Variants in SETD2 observed in about 807,000 individuals in gnomAD.
The protein encoded by SETD2 is SET domain containing 2, histone lysine methyltransferase, also known as histone-lysine N-methyltransferase SETD2.
A neutral mutation model predicts 242.1 loss-of-function variants in SETD2; 31 were observed. The observed-to-expected ratio is 0.13, with a 90% confidence interval of 0.10 to 0.17. The LOEUF is 0.17. SETD2 is among the 10% of genes least tolerant of loss of function. The pLI is 1.00. For synonymous variants in SETD2, 1,006 were observed against 1,066.5 expected (o/e 0.94, Z 1.11); for missense variants, 2,481 against 3,046.3 (o/e 0.81, Z 4.37).
intron 15 of SETD2, among the ~76,000 whole-genome samples, chr3:47,049,925 A>ATAT (rs1559664964): frequency 3.4e-5 from 5 of 146,466 alleles, no homozygotes; most frequent in African/African-American, 4.9e-5. Flanking sequence ...TATATATTAT[A>ATAT]TATAAACTTA....
At chr3:47,068,458 G>C (rs1321377140) in intron 12 of SETD2, among the ~76,000 whole-genome samples, 3 of 151,204 alleles carry the variant, frequency 2.0e-5, no homozygotes, top group Non-Finnish European at 4.4e-5. Context: ...TATACTGTGT[G>C]CCAGATATCA....
rs545248650 is a variant in SETD2, at chr3:47,043,119, G to A, written c.7099-419C>T. Among the ~76,000 whole-genome samples the A allele has an allele frequency of 3.7e-4, 56 of 150,710 alleles. 2 individuals carry two copies. The South Asian group carries it at 5.5e-3, about 15-fold the overall frequency. ...TAACATTATCCATTATATTTTTTCC[G>A]TACTTGAAACCTCAAAACTATAAAA... On this transcript the variant is annotated intron_variant, in intron 16 of 20. Transcript: ENST00000409792.
Position 47,123,618 on chromosome 3 carries a change from T to G in SETD2, c.1018A>C (p.Lys340Gln). The G allele has an allele frequency of 5.8e-6, 9 of 1,550,220 alleles. No homozygotes were observed. The highest frequency in any genetic ancestry group is 6.1e-6 in the Non-Finnish European group (7 of 1,146,742). The change falls in exon 3 of 21, where the codon AAA becomes CAA. Residue 340 changes from lysine (K) to glutamine (Q), a missense_variant. Coordinates refer to ENST00000409792, the MANE Select transcript of SETD2 (RefSeq NM_014159.7). Reference sequence around the variant, plus strand: ...TCCTTTTCAATGCTTGCTGAAAATTTTAAATCATGTGATCTTTGACTTGAA... The same window carrying G: ...TCCTTTTCAATGCTTGCTGAAAATTGTAAATCATGTGATCTTTGACTTGAA... The part of the protein sequence containing the change: ...TSSSQRSHDL[K>Q]FSASIEKERD...
intron 1 of SETD2, among the ~76,000 whole-genome samples, chr3:47,158,384 C>T (rs936142031): frequency 6.6e-6 from 1 of 152,088 alleles, no homozygotes; most frequent in African/African-American, 2.4e-5. Context: ...AAGTTACACA[C>T]CTTGTGCCTG....
At chr3:47,095,356 G>C (rs1010883201) in intron 9 of SETD2, among the ~76,000 whole-genome samples, 1 of 152,080 alleles carries the variant, frequency 6.6e-6, no homozygotes, top group Non-Finnish European at 1.5e-5. Context: ...GGCTGGTCTT[G>C]AACTCCTAAC....
intron 1 of SETD2, among the ~76,000 whole-genome samples, chr3:47,151,985 G>A (rs2043996741): frequency 6.6e-6 from 1 of 152,136 alleles, no homozygotes; most frequent in African/African-American, 2.4e-5. Context: ...CGGTTTGAAT[G>A]TGTTCAAGGT....
chr3:47,160,282 ACT>A (rs933944711), intron 1 of SETD2, among the ~76,000 whole-genome samples: 1 of 151,320 alleles, frequency 6.6e-6, no homozygotes, highest in African/African-American at 2.4e-5. Context: ...ACCTTTGAAC[ACT>A]CTACATTATT....
chr3:47,078,996 T>C (rs1280650400), intron 12 of SETD2, among the ~76,000 whole-genome samples: 3 of 148,412 alleles, frequency 2.0e-5, no homozygotes, highest in African/African-American at 7.5e-5. Context: ...GTAACTTACT[T>C]TTTTAAAGTT....
intron 11 of SETD2, among the ~76,000 whole-genome samples, chr3:47,084,789 T>C (rs1275319555): frequency 1.3e-5 from 2 of 151,640 alleles, no homozygotes; most frequent in Non-Finnish European, 2.9e-5. Context: ...TGGAGTGCAA[T>C]GATGTGATCT....
chr3:47,130,810 C>G (rs564290328), intron 1 of SETD2, among the ~76,000 whole-genome samples: 1 of 151,716 alleles, frequency 6.6e-6, no homozygotes, highest in African/African-American at 2.4e-5. Context: ...AGTTATCTGT[C>G]AAAAAAATAG....
chr3:47,137,033 A>G (rs2043603982), intron 1 of SETD2, among the ~76,000 whole-genome samples: 2 of 152,178 alleles, frequency 1.3e-5, no homozygotes, highest in South Asian at 4.1e-4. Flanking sequence ...CCCCACCAAC[A>G]TGCAACATAC....
intron 16 of SETD2, among the ~76,000 whole-genome samples, chr3:47,043,302 G>C (rs1217683216): frequency 6.6e-6 from 1 of 152,204 alleles, no homozygotes; most frequent in Non-Finnish European, 1.5e-5. Flanking sequence ...GAAGTCAAAA[G>C]AGTGAGGACT....
intron 12 of SETD2, among the ~76,000 whole-genome samples, chr3:47,072,673 C>T (rs900467583): frequency 1.3e-5 from 2 of 151,858 alleles, no homozygotes; most frequent in African/African-American, 4.8e-5. Flanking sequence ...GGACCGGGCA[C>T]GGTGACTCAA....
chr3:47,075,564 CAAAAAAAA>C (rs55635941), intron 12 of SETD2, among the ~76,000 whole-genome samples: 1 of 76,456 alleles, frequency 1.3e-5, no homozygotes, highest in Non-Finnish European at 2.5e-5. Flanking sequence ...AACTCCGTCT[CAAAAAAAA>C]AAAAAAAAAA....
At chr3:47,145,204 A>T (rs1002431405) in intron 1 of SETD2, among the ~76,000 whole-genome samples, 3 of 152,188 alleles carry the variant, frequency 2.0e-5, no homozygotes, top group Non-Finnish European at 2.9e-5. Flanking sequence ...AGTATGTCCA[A>T]CTTTTTCAGA....
intron 8 of SETD2, among the ~76,000 whole-genome samples, chr3:47,099,019 A>C (rs938019669): frequency 9.9e-5 from 15 of 152,190 alleles, no homozygotes; most frequent in African/African-American, 3.4e-4. Context: ...TCATGCCCTG[A>C]ATATCTGACA....
chr3:47,078,187 A>AT (rs1379085936), intron 12 of SETD2, among the ~76,000 whole-genome samples: 2 of 152,202 alleles, frequency 1.3e-5, no homozygotes, highest in Admixed American at 1.3e-4. Flanking sequence ...CTTTTTAATT[A>AT]TAAAGGGAAA....
chr3:47,164,799 C>T (rs1436153379), upstream of SETD2, among the ~76,000 whole-genome samples: 1 of 152,240 alleles, frequency 6.6e-6, no homozygotes, highest in Non-Finnish European at 1.5e-5. This position sits in a 1 kb window ranked among gnomAD's most constrained non-coding sequence, Gnocchi z 5.4. Flanking sequence ...GGGGCTCCTA[C>T]CTCCACCTCG....
chr3:47,071,994 G>A (rs1373405850), intron 12 of SETD2, among the ~76,000 whole-genome samples: 4 of 152,112 alleles, frequency 2.6e-5, no homozygotes, highest in Non-Finnish European at 1.5e-5. Flanking sequence ...GACTGTTCCT[G>A]AGCTAAACAA....
Sources: allele counts gnomAD v4.1 joint callset (sites outside exome capture counted in the v4.1 genomes callset), GRCh38; gene constraint gnomAD v4.1.1; non-coding constraint Gnocchi (gnomAD v3.1); transcripts MANE v1.5; gene names NCBI Gene and HGNC (gene_info 2026-07-23, HGNC 2026-07-21).